The following MSL2 variants were observed in gnomAD, a reference collection of about 807,000 sequenced individuals.
MSL2 encodes the protein E3 ubiquitin-protein ligase MSL2.
In MSL2, 2 loss-of-function variants were observed where a neutral mutation model predicts 35.8. The ratio of observed to expected loss-of-function variants is 0.06; its 90% CI spans 0.02 to 0.18. MSL2 has a LOEUF of 0.18. MSL2 is among the 10% of genes least tolerant of loss of function. MSL2 has a pLI of 1.00. For missense variants in MSL2, 523 were observed against 706.7 expected, an observed-to-expected ratio of 0.74 and a Z score of 2.95; for synonymous variants, 296 against 255.7, an observed-to-expected ratio of 1.16 and a Z score of -1.50.
At chr3:136,183,829 A>C (rs1940435454) in intron 1 of MSL2, among the ~76,000 whole-genome samples, 1 of 152,246 alleles carries the variant, frequency 6.6e-6, no homozygotes, top group Admixed American at 6.5e-5. Context: ...AGAGTCTGTA[A>C]GAACAGAGAA....
At chr3:136,189,346 C>G (rs1262110617) in intron 1 of MSL2, among the ~76,000 whole-genome samples, 1 of 143,936 alleles carries the variant, frequency 6.9e-6, no homozygotes, top group African/African-American at 2.6e-5. Context: ...GATCTGCTAT[C>G]TATAGCTGAA....
intron 1 of MSL2, among the ~76,000 whole-genome samples, chr3:136,166,313 G>T (rs1185196439): frequency 6.6e-6 from 1 of 151,982 alleles, no homozygotes; most frequent in East Asian, 1.9e-4. Context: ...GTCTGAGCCC[G>T]GGAGGTGGAG....
At position 136,151,780 on chromosome 3, in the gene MSL2, C is replaced by T; in HGVS notation, c.1101G>A (p.Gly367=). 6.2e-7 allele frequency: 1 copy of T among 1,614,096 alleles called. No individual in the cohort carries two copies. Among genetic ancestry groups the T allele is most frequent in the Non-Finnish European group, 8.5e-7 (1 of 1,180,026 alleles). Residue 367 remains glycine, a synonymous_variant, in exon 2 of 2, where the codon GGG becomes GGA. Transcript: ENST00000309993. The surrounding 1 kb of genome is among the most constrained non-coding windows in gnomAD (Gnocchi z 5.2). ...GTTTCACTGTCACAGGAGCAGATGC[C>T]CCCAGTGTTGGGCCTCGGATAATGG... ...ISTIIRGPTL[G]ASAPVTVKRE... is the part of the protein sequence containing the mutation.
chr3:136,154,811 T>G (rs1179808040), intron 1 of MSL2, among the ~76,000 whole-genome samples: 1 of 151,432 alleles, frequency 6.6e-6, no homozygotes, highest in Non-Finnish European at 1.5e-5. Context: ...TTGTTCTAGC[T>G]CTCTGAGAGG....
At chr3:136,171,113 A>C (rs1445622887) in intron 1 of MSL2, among the ~76,000 whole-genome samples, 3 of 152,216 alleles carry the variant, frequency 2.0e-5, no homozygotes, top group Non-Finnish European at 4.4e-5. Flanking sequence ...TATGTCTCAC[A>C]AACATGAGAA....
chr3:136,155,790 C>G (rs1376732574), intron 1 of MSL2: 14 of 569,912 alleles, frequency 2.5e-5, no homozygotes, highest in East Asian at 4.5e-5. Context: ...AACTGTGGGT[C>G]TGTGCCCCGT....
intron 1 of MSL2, among the ~76,000 whole-genome samples, chr3:136,180,368 T>C (rs148047113): frequency 2.6e-4 from 39 of 152,244 alleles, no homozygotes; most frequent in African/African-American, 9.4e-4. Context: ...CTGTATTTTC[T>C]CTTTTTAACG....
intron 1 of MSL2, among the ~76,000 whole-genome samples, chr3:136,190,294 C>G (rs1022484788): frequency 6.6e-6 from 1 of 152,006 alleles, no homozygotes; most frequent in African/African-American, 2.4e-5. Context: ...GTACAGCTAC[C>G]GGGGCTCACA....
At chr3:136,170,334 CAA>C (rs929460997) in intron 1 of MSL2, among the ~76,000 whole-genome samples, 11 of 100,428 alleles carry the variant, frequency 1.1e-4, no homozygotes, top group Admixed American at 3.6e-4. Flanking sequence ...GCCTGGGAGA[CAA>C]GAGCAAAAAT....
At chr3:136,180,607 G>A (rs1344705460) in intron 1 of MSL2, among the ~76,000 whole-genome samples, 1 of 151,384 alleles carries the variant, frequency 6.6e-6, no homozygotes, top group Non-Finnish European at 1.5e-5. Context: ...GGCTGAGGCA[G>A]GAGAATTGCT....
chr3:136,175,515 G>C (rs1342124077), intron 1 of MSL2, among the ~76,000 whole-genome samples: 1 of 151,770 alleles, frequency 6.6e-6, no homozygotes, highest in African/African-American at 2.4e-5. Context: ...GTGAAACCCT[G>C]CCTCTACGAA....
At chr3:136,190,496 G>T (rs1021950501) in intron 1 of MSL2, among the ~76,000 whole-genome samples, 1 of 150,088 alleles carries the variant, frequency 6.7e-6, no homozygotes, top group African/African-American at 2.5e-5. Context: ...AGTGAACTAT[G>T]ACTGCACCAC....
intron 1 of MSL2, among the ~76,000 whole-genome samples, chr3:136,187,795 CCCAATCAA>C (rs1373830771): frequency 2.0e-5 from 3 of 152,064 alleles, no homozygotes. Context: ...ATCCTCTCAT[CCCAATCAA>C]GATAGGCAGT....
At chr3:136,184,737 TA>T (rs1221336389) in intron 1 of MSL2, among the ~76,000 whole-genome samples, 760 of 68,660 alleles carry the variant, frequency 0.011, 5 homozygotes, top group East Asian at 0.048. Context: ...AGATAAAGGT[TA>T]AAAAAAAAAA....
rs1426568582 is a variant in MSL2, at chr3:136,148,987, G to A, written c.*2160C>T. ...CAGGTTTCCAAAAATGTGGCAGTGA[G>A]AATACCAGCATAAAAAAGAGAAACT... On this transcript the variant is annotated 3_prime_UTR_variant, in exon 2 of 2. Transcript: ENST00000309993. 1 of 152,266 alleles carries A rather than the reference G, an allele frequency of 6.6e-6. No individual in the cohort carries two copies. Among genetic ancestry groups the A allele is most frequent in the African/African-American group, 2.4e-5 (1 of 41,344 alleles). 9.4% of individuals were successfully genotyped at this position (152,266 alleles called of 1,614,324 possible).
At chr3:136,159,304 TTTGTGCG>T (rs1939627741) in intron 1 of MSL2, among the ~76,000 whole-genome samples, 2 of 151,860 alleles carry the variant, frequency 1.3e-5, no homozygotes, top group African/African-American at 4.8e-5. Context: ...GGTCAACCAA[TTTGTGCG>T]ACAGGGTATC....
Position 136,152,331 on chromosome 3 carries a change from T to C in MSL2, c.550A>G (p.Ile184Val). The C allele has an allele frequency of 1.2e-6, 2 of 1,614,172 alleles. No homozygotes were observed. The highest frequency in any genetic ancestry group is 1.7e-6 in the Non-Finnish European group (2 of 1,180,018). Residue 184 changes from isoleucine (I) to valine (V), a missense_variant, in exon 2 of 2, where the codon ATT becomes GTT. Coordinates refer to ENST00000309993, the MANE Select transcript of MSL2 (RefSeq NM_018133.4). ...TTGATAACAGAACTGCCAATAGCAATGCTGAGGGTGCTTTCAGACATTGGA... is the reference window on the plus strand; with the variant it reads ...TTGATAACAGAACTGCCAATAGCAACGCTGAGGGTGCTTTCAGACATTGGA... ...LSPMSESTLS[I>V]AIGSSVINGL...
intron 1 of MSL2, among the ~76,000 whole-genome samples, chr3:136,192,120 A>G (rs752306371): frequency 7.9e-5 from 12 of 152,240 alleles, no homozygotes; most frequent in Non-Finnish European, 1.3e-4. Context: ...CAAAGGAGAT[A>G]TAAGTATCTT....
At chr3:136,172,179 G>A (rs1372732264) in intron 1 of MSL2, among the ~76,000 whole-genome samples, 2 of 152,132 alleles carry the variant, frequency 1.3e-5, no homozygotes, top group Admixed American at 6.5e-5. Flanking sequence ...TTCTACTTAT[G>A]TCAATTTTTT....
Sources: gnomAD v4.1 joint callset for allele counts (sites outside exome capture counted in the v4.1 genomes callset) on GRCh38, gnomAD v4.1.1 for gene constraint, Gnocchi (gnomAD v3.1) non-coding constraint, MANE v1.5 for transcripts, NCBI Gene and HGNC (gene_info 2026-07-23, HGNC 2026-07-21) for gene names.